The following FGGY variants were observed in gnomAD, a reference collection of about 807,000 sequenced individuals.
FGGY encodes FGGY carbohydrate kinase domain-containing protein.
A neutral mutation model predicts 71.3 loss-of-function variants in FGGY; 72 were observed. That is an observed-to-expected ratio of 1.01 (90% CI 0.84 to 1.23). The LOEUF (loss-of-function observed/expected upper bound fraction) is 1.23, where lower values mean the gene tolerates loss of function less well. FGGY is among the 50% of genes most tolerant of loss of function. The pLI is 0.00. For synonymous variants in FGGY, 251 were observed against 250.3 expected, an observed-to-expected ratio of 1.00 and a Z score of -0.02; for missense variants, 668 against 682.3, an observed-to-expected ratio of 0.98 and a Z score of 0.23.
At chr1:59,426,552 A>C (rs929360584) in intron 5 of FGGY, among the ~76,000 whole-genome samples, 12 of 152,232 alleles carry the variant, frequency 7.9e-5, no homozygotes, top group Admixed American at 2.0e-4. Flanking sequence ...TGTATTTGAC[A>C]TTCTTATCCA....
intron 14 of FGGY, among the ~76,000 whole-genome samples, chr1:59,710,261 T>C (rs1209971986): frequency 6.6e-6 from 1 of 152,206 alleles, no homozygotes; most frequent in Non-Finnish European, 1.5e-5. Context: ...AAACTGAAAC[T>C]GGACCCCTTC....
chr1:59,625,349 G>T (rs981673208), intron 9 of FGGY, among the ~76,000 whole-genome samples: 1 of 152,152 alleles, frequency 6.6e-6, no homozygotes, highest in Admixed American at 6.5e-5. Flanking sequence ...TTTCAAATGA[G>T]AGGTGATTAT....
chr1:59,554,739 A>G (rs2095658986), intron 8 of FGGY, among the ~76,000 whole-genome samples: 1 of 152,216 alleles, frequency 6.6e-6, no homozygotes, highest in East Asian at 1.9e-4. Flanking sequence ...TCCATGAATT[A>G]GTGAAAAGGC....
intron 7 of FGGY, among the ~76,000 whole-genome samples, chr1:59,520,233 T>A (rs1021829573): frequency 6.6e-6 from 1 of 152,254 alleles, no homozygotes; most frequent in Non-Finnish European, 1.5e-5. Flanking sequence ...GATACATTAG[T>A]ACTTTGTTGA....
rs148752999 is a variant in FGGY at position 59,692,626 on chromosome 1, T to A, written c.1512+18493T>A. 1.5e-3 allele frequency among the ~76,000 whole-genome samples: 209 copies of A among 141,398 alleles called. 4 individuals carry two copies. The highest frequency in any genetic ancestry group is 5.1e-3 in the African/African-American group (195 of 38,370). 92.8% of individuals were successfully genotyped at this position (141,398 alleles called of 152,430 possible). ...ATGGCAAATGGTCCACTATGTTAGA[T>A]GAGAGGACAAAAAAAAAAAAAAAAG... On this transcript the variant is annotated intron_variant, in intron 14 of 15. Coordinates refer to ENST00000303721, the MANE Select transcript of FGGY (RefSeq NM_018291.5).
chr1:59,512,584 T>TTTTTAC, intron 7 of FGGY, 145 bp downstream of exon 7: 1 of 697,864 alleles, frequency 1.4e-6, no homozygotes, highest in Non-Finnish European at 2.1e-6. Flanking sequence ...TTTTTACAGC[T>TTTTTAC]AGGCATTTGG....
chr1:59,593,357 A>T (rs2096480987), intron 8 of FGGY, among the ~76,000 whole-genome samples: 1 of 152,154 alleles, frequency 6.6e-6, no homozygotes, highest in Admixed American at 6.5e-5. Context: ...TCTGCATGTC[A>T]TGAAGGGTTC....
rs368548108 is a variant in FGGY at position 59,457,046 on chromosome 1, G to C, written c.640G>C (p.Asp214His). Residue 214 changes from aspartate to histidine, a missense_variant, in exon 6 of 16, where the codon GAC (aspartate) becomes CAC (histidine). Asp to His is a moderately conservative substitution (Grantham distance 81). Coordinates refer to ENST00000303721, the MANE Select transcript of FGGY (RefSeq NM_018291.5). Reference protein sequence around the residue: ...DSFWKMIGLEDFVADNYSKIG... With the variant: ...DSFWKMIGLEHFVADNYSKIG... ...TTTCTGGAAAATGATTGGTTTGGAA[G>C]ACTTTGTTGCAGATAATTACAGCAA... 2.5e-6 allele frequency: 4 copies of C among 1,613,838 alleles called. No individual in the cohort carries two copies. In the African/African-American group the frequency reaches 5.3e-5, roughly 22 times the overall value.
At chr1:59,385,035 A>G (rs1426405757) in intron 5 of FGGY, among the ~76,000 whole-genome samples, 1 of 152,166 alleles carries the variant, frequency 6.6e-6, no homozygotes, top group Non-Finnish European at 1.5e-5. Flanking sequence ...TCTTTTTTAA[A>G]AATACGTTTT....
rs183262005 is a variant in FGGY, at chr1:59,509,572, C to G, written c.671-2739C>G. Among the ~76,000 whole-genome samples, 23 of 152,270 alleles carry G rather than the reference C, an allele frequency of 1.5e-4. No homozygotes were observed. The East Asian group carries it at 4.4e-3, about 29-fold the overall frequency. ...ACACCCACCCCCTACCAGTTCACAC[C>G]CCAGCCTATGTTCCAATTTACCTAG... On this transcript the variant is annotated intron_variant, in intron 6 of 15. Transcript: ENST00000303721.
chr1:59,495,636 T>C (rs947462136), intron 6 of FGGY, among the ~76,000 whole-genome samples: 6 of 152,172 alleles, frequency 3.9e-5, no homozygotes, highest in Non-Finnish European at 8.8e-5. Flanking sequence ...AAGTCTTTAA[T>C]CTATCTTGAA....
In FGGY at chr1:59,408,409, C is replaced by T. The variant is rs774705626; in HGVS notation, c.554+29572C>T. Among the ~76,000 whole-genome samples the T allele has an allele frequency of 2.0e-5, 3 of 152,154 alleles. No homozygotes were observed. The East Asian group carries it at 5.8e-4, about 29-fold the overall frequency. ...TAAAACTGAAATGTTGCTCAGACACCTTTTGCTGTTTTTGGAATGCCTTTG... is the reference window on the plus strand; with the variant it reads ...TAAAACTGAAATGTTGCTCAGACACTTTTTGCTGTTTTTGGAATGCCTTTG... On this transcript the variant is annotated intron_variant, in intron 5 of 15. Transcript: ENST00000303721.
At chr1:59,397,036 C>CTT (rs59388353) in intron 5 of FGGY, among the ~76,000 whole-genome samples, 81 of 142,820 alleles carry the variant, frequency 5.7e-4, no homozygotes, top group South Asian at 2.0e-3. Context: ...CTTGAGTCTG[C>CTT]TTTTTTTTTT....
At chr1:59,523,198 G>C (rs1382978211) in intron 7 of FGGY, among the ~76,000 whole-genome samples, 1 of 152,184 alleles carries the variant, frequency 6.6e-6, no homozygotes, top group East Asian at 1.9e-4. Flanking sequence ...GTGTTTGGGG[G>C]CCCAGAGTCT....
intron 14 of FGGY, among the ~76,000 whole-genome samples, chr1:59,683,444 T>C (rs1041136345): frequency 2.0e-5 from 3 of 152,192 alleles, no homozygotes; most frequent in African/African-American, 7.2e-5. Context: ...TGTATACATA[T>C]GCTATGCATG....
At chr1:59,620,771 G>A (rs574970674) in intron 9 of FGGY, among the ~76,000 whole-genome samples, 73 of 151,974 alleles carry the variant, frequency 4.8e-4, no homozygotes, top group African/African-American at 1.8e-3. Context: ...TTCATGAAAG[G>A]TATAAATACC....
intron 13 of FGGY, among the ~76,000 whole-genome samples, chr1:59,670,373 G>A (rs1218483335): frequency 6.6e-6 from 1 of 152,212 alleles, no homozygotes; most frequent in Non-Finnish European, 1.5e-5. Context: ...AAGACAGTTA[G>A]GGAGGACTGT....
intron 6 of FGGY, among the ~76,000 whole-genome samples, chr1:59,472,053 G>A (rs1255610197): frequency 2.6e-5 from 4 of 152,220 alleles, no homozygotes; most frequent in Admixed American, 1.3e-4. Context: ...TCAGCCCGCC[G>A]CTGCACTGTG....
chr1:59,616,568 A>T (rs2096756901), intron 9 of FGGY, among the ~76,000 whole-genome samples: 1 of 152,178 alleles, frequency 6.6e-6, no homozygotes, highest in Non-Finnish European at 1.5e-5. Context: ...CCAATATGGC[A>T]CATGTATACA....
Sources: allele counts gnomAD v4.1 joint callset (sites outside exome capture counted in the v4.1 genomes callset), GRCh38; gene constraint gnomAD v4.1.1; transcripts MANE v1.5; gene names NCBI Gene and HGNC (gene_info 2026-07-23, HGNC 2026-07-21).